Variants in FCRL4 observed in about 807,000 individuals in gnomAD.
FCRL4 encodes the protein Fc receptor-like protein 4.
In FCRL4, 43 loss-of-function variants were observed where a neutral mutation model predicts 64.1. The observed-to-expected ratio is 0.67, with a 90% CI of 0.53 to 0.87. The LOEUF (loss-of-function observed/expected upper bound fraction) is 0.87. Among genes scored for constraint, FCRL4 ranks in the 40% least tolerant of loss-of-function variants. FCRL4 has a pLI of 0.00. For missense variants in FCRL4, 656 were observed against 613.5 expected, an observed-to-expected ratio of 1.07 and a Z score of -0.73; for synonymous variants, 253 against 239.8, an observed-to-expected ratio of 1.05 and a Z score of -0.51.
chr1:157,580,365 A>G lies in FCRL4; in HGVS notation c.1250-17T>C. On this transcript the variant is annotated splice_polypyrimidine_tract_variant and intron_variant, in intron 7 of 11. Coordinates refer to ENST00000271532, the MANE Select transcript of FCRL4 (RefSeq NM_031282.3). ...AACCAACTCCTGCAAAATAAAGCAAAGACGCATTTTTGTCAGCAGAGGGAG... is the reference window on the plus strand; with the variant it reads ...AACCAACTCCTGCAAAATAAAGCAAGGACGCATTTTTGTCAGCAGAGGGAG... 1 of 1,614,118 alleles carries G rather than the reference A, an allele frequency of 6.2e-7. No individual in the cohort carries two copies. The highest frequency in any genetic ancestry group is 8.5e-7 in the Non-Finnish European group (1 of 1,179,960).
chr1:157,595,411 G>A (rs1652939385), intron 2 of FCRL4, among the ~76,000 whole-genome samples: 1 of 152,032 alleles, frequency 6.6e-6, no homozygotes, highest in African/African-American at 2.4e-5. Flanking sequence ...TTTGATGTAT[G>A]CAACTAGACT....
At chr1:157,593,063 G>A (rs183319041) in intron 2 of FCRL4, among the ~76,000 whole-genome samples, 77 of 152,262 alleles carry the variant, frequency 5.1e-4, no homozygotes, top group Non-Finnish European at 9.3e-4. Context: ...AGGGCAGGGA[G>A]CATCACACAC....
chr1:157,588,162 T>G (rs201702289), intron 3 of FCRL4, 43 bp from the exon 4 acceptor site: 129 of 1,552,738 alleles, frequency 8.3e-5, no homozygotes, highest in Non-Finnish European at 1.1e-4. Context: ...AAAGCATTCC[T>G]GCTATCTCCT....
Position 157,597,913 on chromosome 1 carries a change from C to A in FCRL4, c.31+1G>T. The A allele has an allele frequency of 1.9e-6, 3 of 1,613,208 alleles. No homozygotes were observed. Among genetic ancestry groups the A allele is most frequent in the Non-Finnish European group, 2.5e-6 (3 of 1,179,502 alleles). ...GCAAAGGTCTCCTCCCCATCACTTA[C>A]CAAAGGCCAGCAAGGACGCCCACAG... On this transcript the variant is annotated splice_donor_variant, in intron 1 of 11. Coordinates refer to ENST00000271532, the MANE Select transcript of FCRL4 (RefSeq NM_031282.3). LOFTEE classifies it high-confidence loss of function.
At chr1:157,578,366 T>C in intron 10 of FCRL4, 108 bp downstream of exon 10, 1 of 933,302 alleles carries the variant, frequency 1.1e-6, no homozygotes, top group South Asian at 1.4e-5. Context: ...TGTTTACTGA[T>C]TGACTTCCCA....
intron 6 of FCRL4, among the ~76,000 whole-genome samples, chr1:157,585,324 T>TTCTCTCTTTCTTTCTC (rs1558154915): frequency 2.3e-5 from 3 of 128,596 alleles, no homozygotes; most frequent in African/African-American, 9.2e-5. Context: ...CCTTCCTTCC[T>TTCTCTCTTTCTTTCTC]TCTCTCTTTC....
At chr1:157,581,486 G>A (rs1226993822) in intron 7 of FCRL4, 45 bp downstream of exon 7, 4 of 1,539,818 alleles carry the variant, frequency 2.6e-6, no homozygotes, top group Non-Finnish European at 3.6e-6. Flanking sequence ...CTGAGTTCAG[G>A]GGAAGGAACA....
rs1453625820 is a variant in FCRL4 at position 157,582,942 on chromosome 1, G to A, written c.1136-1298C>T. Among the ~76,000 whole-genome samples the A allele has an allele frequency of 4.6e-5, 7 of 152,130 alleles. No homozygotes were observed. The East Asian group carries it at 1.2e-3, about 25-fold the overall frequency. On this transcript the variant is annotated intron_variant, in intron 6 of 11. Transcript: ENST00000271532. ...TCAGAATCAGCCACACCCAGGCCTA[G>A]GATTCTAGACTCAAAGGGCAGAAAG...
chr1:157,586,489 G>A, intron 5 of FCRL4, 34 bp from the exon 6 acceptor site: 1 of 1,573,134 alleles, frequency 6.4e-7, no homozygotes, highest in Non-Finnish European at 8.6e-7. Context: ...TGGGGGTCGG[G>A]TGTGAAGGAG....
In FCRL4 at chr1:157,588,096, A is replaced by G; in HGVS notation, c.331T>C (p.Tyr111His). ...AATGTGTCACCTTCAAACACAGAATATGGTGCCTGCAGGATTAAGGAGTCT... is the reference window on the plus strand; with the variant it reads ...AATGTGTCACCTTCAAACACAGAATGTGGTGCCTGCAGGATTAAGGAGTCT... ...SSDSLILQAP[Y>H]SVFEGDTLVL... Residue 111 changes from tyrosine to histidine, a missense_variant, in exon 4 of 12, where the codon TAT (tyrosine) becomes CAT (histidine). Physicochemically the swap from Tyr to His is moderately conservative, Grantham distance 83. Transcript: ENST00000271532. 1 of 1,613,618 alleles carries G rather than the reference A, an allele frequency of 6.2e-7. No homozygotes were observed. Among genetic ancestry groups the G allele is most frequent in the Non-Finnish European group, 8.5e-7 (1 of 1,179,820 alleles).
At chr1:157,582,471 A>G (rs1227238841) in intron 6 of FCRL4, among the ~76,000 whole-genome samples, 2 of 152,168 alleles carry the variant, frequency 1.3e-5, no homozygotes, top group Non-Finnish European at 2.9e-5. Flanking sequence ...AAAGCATGAC[A>G]GAGGGACAGA....
At position 157,574,583 on chromosome 1, in the gene FCRL4, C is replaced by G. The variant is rs560705319; in HGVS notation, c.*941G>C. 4.8e-6 allele frequency: 1 copy of G among 207,528 alleles called. No individual in the cohort carries two copies. Among genetic ancestry groups the G allele is most frequent in the South Asian group, 1.9e-4 (1 of 5,284 alleles). 12.9% of individuals were successfully genotyped at this position (207,528 alleles called of 1,614,324 possible). A position where few individuals can be genotyped will look rare whatever the true frequency, so the allele number is the denominator to read the frequency against. On this transcript the variant is annotated 3_prime_UTR_variant, in exon 12 of 12. Transcript: ENST00000271532. ...TTCTCATATAAACTAATTAGTAACTCAAAGACACAGTTCCTACAAGAAAAG... is the reference window on the plus strand; with the variant it reads ...TTCTCATATAAACTAATTAGTAACTGAAAGACACAGTTCCTACAAGAAAAG...
Position 157,586,414 on chromosome 1 carries a change from C to G in FCRL4, c.889G>C (p.Gly297Arg), listed in dbSNP as rs1051737604. The G allele has an allele frequency of 4.3e-6, 7 of 1,612,244 alleles. No individual in the cohort carries two copies. The Admixed American group carries it at 8.3e-5, about 19-fold the overall frequency. The change falls in exon 6 of 12, where the codon GGG becomes CGG. Residue 297 changes from glycine to arginine, a missense_variant. By Grantham distance (125) the Gly-to-Arg change is moderately radical (BLOSUM62 -2). Coordinates refer to ENST00000271532, the MANE Select transcript of FCRL4 (RefSeq NM_031282.3). The part of the protein sequence containing the change: ...SGVLLETQPS[G>R]GQAVEGEMLV... ...ATCTCCCCTTCAACAGCCTGGCCCC[C>G]TGAGGGCTGGGTCTCCAGGAGCACC...
At chr1:157,587,724 C>T (rs1052300844) in intron 4 of FCRL4, 141 bp downstream of exon 4, 3 of 1,107,798 alleles carry the variant, frequency 2.7e-6, no homozygotes, top group Non-Finnish European at 1.3e-6. Context: ...GGTCCAATCA[C>T]CCCACTTTCT....
chr1:157,581,470 T>C, intron 7 of FCRL4, 61 bp downstream of exon 7: 1 of 1,433,168 alleles, frequency 7.0e-7, no homozygotes, highest in Non-Finnish European at 9.8e-7. Context: ...TAAGGCTGTC[T>C]GCATGCTGAG....
intron 8 of FCRL4, among the ~76,000 whole-genome samples, chr1:157,579,125 A>G (rs1452610988): frequency 6.6e-6 from 1 of 152,242 alleles, no homozygotes; most frequent in African/African-American, 2.4e-5. Context: ...TCATCGTCTC[A>G]TAGTCAGAAT....
intron 6 of FCRL4, among the ~76,000 whole-genome samples, 154 bp downstream of exon 6, chr1:157,586,014 A>T (rs1463674292): frequency 6.6e-6 from 1 of 152,216 alleles, no homozygotes; most frequent in Non-Finnish European, 1.5e-5. Context: ...TGAGTGAGTT[A>T]TTACTATTCT....
intron 1 of FCRL4, among the ~76,000 whole-genome samples, chr1:157,597,602 C>T (rs1652993976): frequency 6.6e-6 from 1 of 152,174 alleles, no homozygotes. Flanking sequence ...TCCTCTGGGT[C>T]CTCATGCTCT....
intron 8 of FCRL4, among the ~76,000 whole-genome samples, chr1:157,580,021 A>G (rs954266556): frequency 6.6e-6 from 1 of 152,246 alleles, no homozygotes; most frequent in African/African-American, 2.4e-5. Flanking sequence ...ATAGTAACAC[A>G]TTGTCTAACT....
Sources: gnomAD v4.1 joint callset for allele counts (sites outside exome capture counted in the v4.1 genomes callset) on GRCh38, gnomAD v4.1.1 for gene constraint, MANE v1.5 for transcripts, NCBI Gene and HGNC (gene_info 2026-07-23, HGNC 2026-07-21) for gene names.